MORC4: variants seen among roughly 807,000 people sequenced by gnomAD.
MORC4 encodes the protein MORC family CW-type zinc finger protein 4.
Under a neutral mutation model 65.5 loss-of-function variants are expected in MORC4, and 22 were observed. The observed-to-expected ratio is 0.34, with a 90% CI of 0.24 to 0.48. The LOEUF (loss-of-function observed/expected upper bound fraction) is 0.48, where lower values mean the gene tolerates loss of function less well. MORC4 is among the 20% of genes least tolerant of loss of function. The pLI is 0.99. For synonymous variants in MORC4, 267 were observed against 255.8 expected, an observed-to-expected ratio of 1.04 and a Z score of -0.42; for missense variants, 624 against 703.0, an observed-to-expected ratio of 0.89 and a Z score of 1.27.
In MORC4 at chrX:106,975,589, T is replaced by C. The variant is rs750855668; in HGVS notation, c.1157+995A>G. Reference sequence around the variant, plus strand: ...ACAAAACAAAAGAGATTTGGGAAATTTCTTTTCTCCCACTCTAAGAAAAAT... The same window carrying C: ...ACAAAACAAAAGAGATTTGGGAAATCTCTTTTCTCCCACTCTAAGAAAAAT... On this transcript the variant is annotated intron_variant, in intron 9 of 16. Coordinates refer to ENST00000355610, the MANE Select transcript of MORC4 (RefSeq NM_024657.5). Among the ~76,000 whole-genome samples the C allele has an allele frequency of 3.6e-5, 4 of 111,587 alleles. No homozygotes were observed. In the East Asian group the frequency reaches 1.1e-3, roughly 31 times the overall value.
intron 9 of MORC4, among the ~76,000 whole-genome samples, chrX:106,969,554 G>A (rs1459420613): frequency 1.8e-5 from 2 of 111,591 alleles, no homozygotes; most frequent in African/African-American, 3.3e-5. Flanking sequence ...TTTTCGAAAA[G>A]AGCAACGAAA....
chrX:106,986,650 T>C (rs1478659452), intron 3 of MORC4, among the ~76,000 whole-genome samples: 1 of 111,524 alleles, frequency 9.0e-6, no homozygotes, highest in Middle Eastern at 4.2e-3. Context: ...GGTACTAGAT[T>C]AGGCATCTCC....
intron 14 of MORC4, among the ~76,000 whole-genome samples, chrX:106,954,053 G>A (rs1934039977): frequency 8.9e-6 from 1 of 112,778 alleles, no homozygotes; most frequent in South Asian, 3.6e-4. Context: ...AACCCGGGAC[G>A]GGGAGGTTGC....
intron 14 of MORC4, among the ~76,000 whole-genome samples, chrX:106,954,118 A>T (rs73533048): frequency 0.066 from 7,379 of 112,584 alleles, 636 homozygotes; most frequent in African/African-American, 0.23. Flanking sequence ...AGCGAAACAT[A>T]ATAGTCAGAT....
At chrX:106,977,501 T>C (rs1934649738) in intron 8 of MORC4, among the ~76,000 whole-genome samples, 1 of 111,848 alleles carries the variant, frequency 8.9e-6, no homozygotes, top group African/African-American at 3.2e-5. Flanking sequence ...ATGGTAAAAT[T>C]TGTATAGAGT....
intron 9 of MORC4, among the ~76,000 whole-genome samples, chrX:106,971,130 G>A (rs1277426570): frequency 9.0e-6 from 1 of 111,343 alleles, no homozygotes; most frequent in Non-Finnish European, 1.9e-5. Context: ...ACAGATTAAA[G>A]GAACAGAACG....
intron 2 of MORC4, 136 bp from the exon 3 acceptor site, chrX:106,993,498 A>G (rs772767517): frequency 2.9e-5 from 17 of 585,257 alleles, no homozygotes; most frequent in Non-Finnish European, 3.9e-5. Flanking sequence ...ATCAGGGAGC[A>G]TTAACGGTAG....
At chrX:106,973,548 T>C (rs1934566622) in intron 9 of MORC4, among the ~76,000 whole-genome samples, 1 of 112,013 alleles carries the variant, frequency 8.9e-6, no homozygotes, top group Non-Finnish European at 1.9e-5. Context: ...CAGACTGTGA[T>C]AGACATAATA....
chrX:106,958,130 G>A (rs757512336), intron 11 of MORC4, among the ~76,000 whole-genome samples: 57 of 111,974 alleles, frequency 5.1e-4, no homozygotes, highest in Non-Finnish European at 7.9e-4. Context: ...CATGTGTAGG[G>A]AATAGTGAAG....
intron 16 of MORC4, 37 bp downstream of exon 16, chrX:106,941,901 G>A: frequency 8.6e-7 from 1 of 1,167,586 alleles, no homozygotes; most frequent in Non-Finnish European, 1.2e-6. Flanking sequence ...CTTCCCATTA[G>A]CACTCACAAG....
chrX:106,972,635 G>A (rs748690782), intron 9 of MORC4, among the ~76,000 whole-genome samples: 3 of 111,443 alleles, frequency 2.7e-5, no homozygotes, highest in South Asian at 3.8e-4. Flanking sequence ...AGAATGGCAC[G>A]CTAGCATGAA....
In MORC4 at chrX:106,996,393, G is replaced by A. The variant is rs996553015; in HGVS notation, c.176-3031C>T. 5.5e-5 allele frequency among the ~76,000 whole-genome samples: 6 copies of A among 109,414 alleles called. No homozygotes were observed. The East Asian group carries it at 1.1e-3, about 21-fold the overall frequency. On this transcript the variant is annotated intron_variant, in intron 2 of 16. Coordinates refer to ENST00000355610, the MANE Select transcript of MORC4 (RefSeq NM_024657.5). Reference sequence around the variant, plus strand: ...TCAGTAGAGAGGCACCAGCAAGCACGGTTTTGTACTTACTTTCAGTTTTAC... The same window carrying A: ...TCAGTAGAGAGGCACCAGCAAGCACAGTTTTGTACTTACTTTCAGTTTTAC...
chrX:106,947,588 T>TA (rs1367429281), intron 14 of MORC4, among the ~76,000 whole-genome samples: 8 of 91,157 alleles, frequency 8.8e-5, no homozygotes, highest in African/African-American at 2.5e-4. Flanking sequence ...TATATATATA[T>TA]ATAATATATA....
At chrX:106,965,498 CT>C (rs1287912733) in intron 9 of MORC4, among the ~76,000 whole-genome samples, 4 of 111,997 alleles carry the variant, frequency 3.6e-5, no homozygotes, top group Non-Finnish European at 7.5e-5. Flanking sequence ...TCAGTAATTA[CT>C]TTAATGTAAA....
intron 9 of MORC4, among the ~76,000 whole-genome samples, chrX:106,973,188 G>A (rs1044339342): frequency 8.9e-6 from 1 of 112,181 alleles, no homozygotes; most frequent in African/African-American, 3.2e-5. Flanking sequence ...TTTTGAAAAT[G>A]CCTGTGACCT....
intron 9 of MORC4, among the ~76,000 whole-genome samples, chrX:106,975,821 T>G (rs1934610521): frequency 9.0e-6 from 1 of 110,933 alleles, no homozygotes; most frequent in African/African-American, 3.3e-5. Flanking sequence ...CCTGACTCCC[T>G]TAAGCATATT....
At position 106,958,431 on chromosome X, in the gene MORC4, A is replaced by G. The variant is rs757433594; in HGVS notation, c.1290T>C (p.Asp430=). 8.3e-7 allele frequency: 1 copy of G among 1,205,554 alleles called. No homozygotes were observed. Among genetic ancestry groups the G allele is most frequent in the Non-Finnish European group, 1.1e-6 (1 of 891,990 alleles). ...KVPDQTWVQC[D]ECLKWRKLPG... ...GAAGCTTTCTCCATTTAAGACACTC[A>G]TCACACTGAACCCATGTCTGGTCAG... Residue 430 remains aspartate, a synonymous_variant, in exon 11 of 17, where the codon GAT becomes GAC. Coordinates refer to ENST00000355610, the MANE Select transcript of MORC4 (RefSeq NM_024657.5).
At chrX:106,988,521 G>A (rs762253386) in intron 3 of MORC4, among the ~76,000 whole-genome samples, 6 of 111,551 alleles carry the variant, frequency 5.4e-5, no homozygotes, top group Non-Finnish European at 9.4e-5. Flanking sequence ...AACTCTTCCC[G>A]TGTGCTCTTT....
chrX:106,946,124 A>G (rs941281776), intron 14 of MORC4, among the ~76,000 whole-genome samples: 1 of 111,762 alleles, frequency 8.9e-6, no homozygotes, highest in Non-Finnish European at 1.9e-5. Context: ...ATAGAAATCT[A>G]TAAATTCACT....
Sources: allele counts gnomAD v4.1 joint callset (sites outside exome capture counted in the v4.1 genomes callset), GRCh38; gene constraint gnomAD v4.1.1; transcripts MANE v1.5; gene names NCBI Gene and HGNC (gene_info 2026-07-23, HGNC 2026-07-21).